SLC19A2: variants seen among roughly 807,000 people sequenced by gnomAD.
The protein encoded by SLC19A2 is solute carrier family 19 member 2.
SLC19A2 carries 27 observed loss-of-function variants against 44.7 expected under a neutral mutation model. The observed-to-expected ratio is 0.60, with a 90% CI of 0.45 to 0.83. The LOEUF is 0.83. Ranked by LOEUF, SLC19A2 falls within the 40% of genes least tolerant of loss-of-function variation. The pLI is 0.00. For missense variants in SLC19A2, 566 were observed against 613.7 expected (o/e 0.92, Z 0.82); for synonymous variants, 239 against 243.6 (o/e 0.98, Z 0.18).
Position 169,464,071 on chromosome 1 carries a change from G to A in SLC19A2, c.*1778C>T, listed in dbSNP as rs1657931775. The A allele has an allele frequency of 6.6e-6, 1 of 152,270 alleles. No homozygotes were observed. The highest frequency in any genetic ancestry group is 1.5e-5 in the Non-Finnish European group (1 of 67,958). The allele number at this position is 152,270 out of a possible 1,614,324, so 9.4% of individuals were successfully genotyped here. On this transcript the variant is annotated 3_prime_UTR_variant, in exon 6 of 6. Transcript: ENST00000236137. ...TTGAGTTCAGCATTCTATAAATATG[G>A]CCACATACCAAGATGTGAACATATT...
At chr1:169,481,482 A>C (rs1658444666) in intron 1 of SLC19A2, among the ~76,000 whole-genome samples, 1 of 152,238 alleles carries the variant, frequency 6.6e-6, no homozygotes. Flanking sequence ...ATTCATGAAG[A>C]GATAAAGACT....
intron 3 of SLC19A2, among the ~76,000 whole-genome samples, chr1:169,469,575 C>T (rs976416522): frequency 6.6e-6 from 1 of 152,014 alleles, no homozygotes; most frequent in Non-Finnish European, 1.5e-5. Context: ...TATATAATGT[C>T]CATAGAACAG....
chr1:169,476,354 T>C (rs1000230073), intron 2 of SLC19A2, among the ~76,000 whole-genome samples: 2 of 152,220 alleles, frequency 1.3e-5, no homozygotes, highest in Non-Finnish European at 2.9e-5. Context: ...CAGCAAATTG[T>C]CATTTGAAAA....
At chr1:169,484,309 T>C (rs902130130) in intron 1 of SLC19A2, among the ~76,000 whole-genome samples, 3 of 152,214 alleles carry the variant, frequency 2.0e-5, no homozygotes, top group Middle Eastern at 3.2e-3. Context: ...GTGCAAATGA[T>C]TCCGGTAGTG....
At chr1:169,485,514 C>G (rs537001712) in intron 1 of SLC19A2, 49 bp downstream of exon 1, 2 of 1,544,068 alleles carry the variant, frequency 1.3e-6, no homozygotes, top group African/African-American at 2.7e-5. Context: ...GCTGCCCACC[C>G]GCAGGCCGGT....
At position 169,470,000 on chromosome 1, in the gene SLC19A2, A is replaced by G; in HGVS notation, c.994T>C (p.Tyr332His). 6.2e-7 allele frequency: 1 copy of G among 1,613,956 alleles called. No homozygotes were observed. Among genetic ancestry groups the G allele is most frequent in the Non-Finnish European group, 8.5e-7 (1 of 1,179,902 alleles). The change falls in exon 3 of 6, where the codon TAT becomes CAT. Residue 332 changes from tyrosine (Y) to histidine (H), a missense_variant. Physicochemically the swap from Tyr to His is moderately conservative, Grantham distance 83. Transcript: ENST00000236137. ...KVMPSRYAAI[Y>H]NGGVEAVSTL... ...GAAACGGCCTCCACGCCACCATTATAGATAGCAGCATAGCGAGAAGGCATC... is the reference window on the plus strand; with the variant it reads ...GAAACGGCCTCCACGCCACCATTATGGATAGCAGCATAGCGAGAAGGCATC...
chr1:169,485,571 C>A lies in SLC19A2; in HGVS notation c.196G>T (p.Glu66Ter). 1 of 1,585,702 alleles carries A rather than the reference C, an allele frequency of 6.3e-7. No homozygotes were observed. The highest frequency in any genetic ancestry group is 1.1e-5 in the South Asian group (1 of 87,038). ...YLLGPDKNLTEREVFNEIYPV... is the reference protein window; with the variant it reads ...YLLGPDKNLT Reference sequence around the variant, plus strand: ...GCGTCCGCCGCGCGTACCTCCCTCTCGGTCAGGTTCTTGTCCGGCCCCAGC... The same window carrying A: ...GCGTCCGCCGCGCGTACCTCCCTCTAGGTCAGGTTCTTGTCCGGCCCCAGC... Residue 66 changes from glutamate (E) to a stop codon, truncating the protein, a stop_gained, in exon 1 of 6, where the codon GAG (glutamate) becomes TAG (stop). Transcript: ENST00000236137. LOFTEE classifies it high-confidence loss of function.
chr1:169,475,055 TA>T (rs1658275724), intron 2 of SLC19A2, among the ~76,000 whole-genome samples: 2 of 152,170 alleles, frequency 1.3e-5, no homozygotes, highest in Admixed American at 6.5e-5. Context: ...TCCTTATCTC[TA>T]AAAGGACAGT....
In SLC19A2 at chr1:169,465,962, T is replaced by C. The variant is rs1657977315; in HGVS notation, c.1381A>G (p.Ser461Gly). 6.2e-7 allele frequency: 1 copy of C among 1,613,940 alleles called. No homozygotes were observed. The highest frequency in any genetic ancestry group is 1.3e-5 in the African/African-American group (1 of 74,916). ...ACCACAGCGATGAGTGCAAAATAAC[T>C]GGCATAGATCAAAAACTAGAAGGGG... ...EITTQFLIYA[S>G]YFALIAVVFL... The change falls in exon 6 of 6, where the codon AGT becomes GGT. Residue 461 changes from serine to glycine, a missense_variant. Ser to Gly is a moderately conservative substitution (Grantham distance 56). Coordinates refer to ENST00000236137, the MANE Select transcript of SLC19A2 (RefSeq NM_006996.3).
At chr1:169,483,746 G>A (rs1015477025) in intron 1 of SLC19A2, among the ~76,000 whole-genome samples, 4 of 152,162 alleles carry the variant, frequency 2.6e-5, no homozygotes, top group African/African-American at 9.7e-5. Context: ...TATCAACACT[G>A]GGAACATGTT....
Position 169,477,666 on chromosome 1 carries a change from G to A in SLC19A2, c.296C>T (p.Pro99Leu). ...GCTGAGCCCCTGCAGTAGAACAACA[G>A]GTTTATAACGGAGGTAGTCTGTGGC... ...FLATDYLRYK[P>L]VVLLQGLSLI... is the part of the protein sequence containing the mutation. Residue 99 changes from proline (P) to leucine (L), a missense_variant, in exon 2 of 6, where the codon CCT (proline) becomes CTT (leucine). Pro to Leu is a moderately conservative substitution (Grantham distance 98). Transcript: ENST00000236137. The A allele has an allele frequency of 6.2e-7, 1 of 1,613,918 alleles. No individual in the cohort carries two copies. The highest frequency in any genetic ancestry group is 8.5e-7 in the Non-Finnish European group (1 of 1,179,980).
chr1:169,473,931 A>T (rs777564560), intron 2 of SLC19A2: 24 of 151,848 alleles, frequency 1.6e-4, no homozygotes, highest in Non-Finnish European at 3.2e-4. Flanking sequence ...ATGTAAACTC[A>T]TTTGAAAGCT....
At chr1:169,480,652 T>A (rs561582224) in intron 1 of SLC19A2, among the ~76,000 whole-genome samples, 1 of 152,262 alleles carries the variant, frequency 6.6e-6, no homozygotes, top group African/African-American at 2.4e-5. Flanking sequence ...AAGTGTCACC[T>A]TCACAATTTC....
At chr1:169,467,206 A>T (rs1658013621) in intron 5 of SLC19A2, among the ~76,000 whole-genome samples, 1 of 152,154 alleles carries the variant, frequency 6.6e-6, no homozygotes, top group Admixed American at 6.5e-5. Flanking sequence ...TCCATCCTGA[A>T]ATAAGTTTTG....
At chr1:169,476,258 A>G (rs1658305636) in intron 2 of SLC19A2, among the ~76,000 whole-genome samples, 2 of 152,186 alleles carry the variant, frequency 1.3e-5, no homozygotes, top group South Asian at 4.1e-4. Flanking sequence ...ACAGCTTCAT[A>G]ACACACTTTT....
Position 169,465,832 on chromosome 1 carries a change from A to C in SLC19A2, c.*17T>G. 6.2e-7 allele frequency: 1 copy of C among 1,613,342 alleles called. No individual in the cohort carries two copies. Among genetic ancestry groups the C allele is most frequent in the Non-Finnish European group, 8.5e-7 (1 of 1,179,654 alleles). ...GTGCAGAGTTCTTGCTATAAGAAGA[A>C]GCCCTTCAGCAGTATATTATGAAGT... On this transcript the variant is annotated 3_prime_UTR_variant, in exon 6 of 6. Transcript: ENST00000236137.
At chr1:169,468,297 A>G (rs1658083237) in intron 4 of SLC19A2, 45 bp from the exon 5 acceptor site, 1 of 1,473,980 alleles carries the variant, frequency 6.8e-7, no homozygotes, top group African/African-American at 1.4e-5. Context: ...TTACTTCTGG[A>G]GTACTTATAA....
intron 5 of SLC19A2, among the ~76,000 whole-genome samples, chr1:169,467,755 A>C (rs1269607531): frequency 1.3e-5 from 2 of 152,170 alleles, no homozygotes; most frequent in African/African-American, 4.8e-5. Flanking sequence ...TGAAGCAGGG[A>C]ATCTCAAACA....
intron 1 of SLC19A2, among the ~76,000 whole-genome samples, chr1:169,478,769 T>TA (rs1658384251): frequency 6.6e-6 from 1 of 151,938 alleles, no homozygotes; most frequent in South Asian, 2.1e-4. Context: ...TAAGAAGCTT[T>TA]AAAAAAATGT....
Sources: allele counts gnomAD v4.1 joint callset (sites outside exome capture counted in the v4.1 genomes callset), GRCh38; gene constraint gnomAD v4.1.1; transcripts MANE v1.5; gene names NCBI Gene and HGNC (gene_info 2026-07-23, HGNC 2026-07-21).